Variants in KCNH7 observed in about 807,000 individuals in gnomAD.
KCNH7 encodes potassium voltage-gated channel subfamily H member 7, also known as voltage-gated inwardly rectifying potassium channel KCNH7.
Under a neutral mutation model 120.8 loss-of-function variants are expected in KCNH7, and 49 were observed. The observed-to-expected ratio is 0.41, with a 90% confidence interval of 0.32 to 0.51. KCNH7 has a LOEUF of 0.51. Among genes scored for constraint, KCNH7 ranks in the 20% least tolerant of loss-of-function variants. KCNH7 has a pLI of 0.38. For missense variants in KCNH7, 1,097 were observed against 1,446.6 expected (o/e 0.76, Z 3.92); for synonymous variants, 547 against 516.1 (o/e 1.06, Z -0.81).
At chr2:162,512,538 T>A in intron 5 of KCNH7, 116 bp downstream of exon 5, 1 of 810,194 alleles carries the variant, frequency 1.2e-6, no homozygotes, top group Non-Finnish European at 2.0e-6. Context: ...GCACCCCAAA[T>A]AGCTAAGGGC....
chr2:162,652,989 C>T (rs1418556780), intron 2 of KCNH7, among the ~76,000 whole-genome samples: 4 of 152,104 alleles, frequency 2.6e-5, no homozygotes, highest in East Asian at 3.9e-4. Context: ...TTACTTTATG[C>T]CAAAGGCCTT....
chr2:162,520,633 G>A (rs1405344877), intron 3 of KCNH7, among the ~76,000 whole-genome samples: 1 of 151,716 alleles, frequency 6.6e-6, no homozygotes, highest in Non-Finnish European at 1.5e-5. Context: ...ACTAGGTATG[G>A]TGGCATATGC....
intron 3 of KCNH7, among the ~76,000 whole-genome samples, chr2:162,532,231 G>A (rs1691948339): frequency 1.3e-5 from 2 of 151,940 alleles, no homozygotes. Flanking sequence ...GAGAGTCAAG[G>A]TGAAACTAAA....
chr2:162,665,455 A>AT (rs1339188431), intron 2 of KCNH7, among the ~76,000 whole-genome samples: 1 of 152,128 alleles, frequency 6.6e-6, no homozygotes, highest in Non-Finnish European at 1.5e-5. Context: ...TCACTAACAT[A>AT]TTTTTTATGT....
In KCNH7 at chr2:162,571,724, C is replaced by A. The variant is rs1329304461; in HGVS notation, c.308-34644G>T. On this transcript the variant is annotated intron_variant, in intron 2 of 15. Coordinates refer to ENST00000332142, the MANE Select transcript of KCNH7 (RefSeq NM_033272.4). ...TATAGATCAATGGAACAGAACAGAG[C>A]CCTCAGAAATAACGCCACTTATCTA... 3.1e-3 allele frequency among the ~76,000 whole-genome samples: 409 copies of A among 131,020 alleles called. 13 individuals carry two copies. The highest frequency in any genetic ancestry group is 0.012 in the African/African-American group (380 of 32,128). 86.0% of individuals were successfully genotyped at this position (131,020 alleles called of 152,430 possible).
chr2:162,429,265 C>T (rs1294085967), intron 8 of KCNH7, among the ~76,000 whole-genome samples: 1 of 151,360 alleles, frequency 6.6e-6, no homozygotes, highest in African/African-American at 2.4e-5. Flanking sequence ...CTTTTTGGTA[C>T]TATCATTGTC....
chr2:162,833,660 T>C (rs116474431), intron 2 of KCNH7, among the ~76,000 whole-genome samples: 21 of 152,278 alleles, frequency 1.4e-4, no homozygotes, highest in African/African-American at 5.1e-4. Flanking sequence ...TAATTGTGCC[T>C]AGCACAATCA....
chr2:162,546,437 C>T lies in KCNH7; in HGVS notation c.308-9357G>A, dbSNP rs148615008. ...CCCACCCACTAAACTGCCATTTGTT[C>T]GGTCAAATTGCTTTAACACAACACT... On this transcript the variant is annotated intron_variant, in intron 2 of 15. Coordinates refer to ENST00000332142, the MANE Select transcript of KCNH7 (RefSeq NM_033272.4). 5.3e-3 allele frequency among the ~76,000 whole-genome samples: 805 copies of T among 152,190 alleles called. 5 individuals are homozygous for T. Among genetic ancestry groups the T allele is most frequent in the African/African-American group, 0.016 (676 of 41,546 alleles).
At chr2:162,421,416 GTT>G (rs1687706279) in intron 9 of KCNH7, among the ~76,000 whole-genome samples, 3 of 152,262 alleles carry the variant, frequency 2.0e-5, no homozygotes, top group Non-Finnish European at 4.4e-5. Context: ...TCAAGTCATT[GTT>G]AAAGTTAAGG....
chr2:162,455,859 C>G (rs1257091448), intron 6 of KCNH7, among the ~76,000 whole-genome samples: 1 of 151,930 alleles, frequency 6.6e-6, no homozygotes, highest in East Asian at 1.9e-4. Context: ...AGTGGTCTAT[C>G]TATTTTGTTA....
At chr2:162,496,781 A>G (rs1459773415) in intron 6 of KCNH7, among the ~76,000 whole-genome samples, 1 of 152,224 alleles carries the variant, frequency 6.6e-6, no homozygotes, top group South Asian at 2.1e-4. Context: ...TAAAACCATG[A>G]AATTATTATT....
chr2:162,651,149 T>C (rs1684551462), intron 2 of KCNH7, among the ~76,000 whole-genome samples: 1 of 152,192 alleles, frequency 6.6e-6, no homozygotes, highest in South Asian at 2.1e-4. Context: ...AATTCTGAAA[T>C]ATGGATACTA....
intron 6 of KCNH7, among the ~76,000 whole-genome samples, chr2:162,466,335 C>T (rs1040416353): frequency 6.6e-6 from 1 of 152,190 alleles, no homozygotes; most frequent in African/African-American, 2.4e-5. Flanking sequence ...ACTCACAGTT[C>T]TATACGGCTA....
At chr2:162,482,905 A>C (rs1033940679) in intron 6 of KCNH7, among the ~76,000 whole-genome samples, 11 of 152,188 alleles carry the variant, frequency 7.2e-5, no homozygotes, top group African/African-American at 2.7e-4. Context: ...TGTCAACGGA[A>C]TATAATTATA....
rs138670686 is a variant in KCNH7, at chr2:162,646,513, G to C, written c.308-109433C>G. ...TGATTGTGTTATGTTGCATGGCATAGCTAAGCATAGCTAACCTTAAGATGA... is the reference window on the plus strand; with the variant it reads ...TGATTGTGTTATGTTGCATGGCATACCTAAGCATAGCTAACCTTAAGATGA... On this transcript the variant is annotated intron_variant, in intron 2 of 15. Transcript: ENST00000332142. Among the ~76,000 whole-genome samples the C allele has an allele frequency of 4.6e-5, 7 of 152,254 alleles. No homozygotes were observed. In the East Asian group the frequency reaches 5.8e-4, roughly 13 times the overall value.
intron 2 of KCNH7, among the ~76,000 whole-genome samples, chr2:162,614,692 T>C (rs1683081045): frequency 6.7e-6 from 1 of 148,380 alleles, no homozygotes; most frequent in Non-Finnish European, 1.5e-5. Context: ...TATATTTATA[T>C]ATATTTATAT....
intron 2 of KCNH7, among the ~76,000 whole-genome samples, chr2:162,691,051 G>C (rs149428214): frequency 1.6e-4 from 25 of 152,226 alleles, no homozygotes; most frequent in Non-Finnish European, 3.5e-4. Context: ...GAATGATAGG[G>C]ACTGACTACT....
chr2:162,467,773 G>T (rs1477487661), intron 6 of KCNH7, among the ~76,000 whole-genome samples: 1 of 152,138 alleles, frequency 6.6e-6, no homozygotes, highest in African/African-American at 2.4e-5. Flanking sequence ...CCTAGACTGG[G>T]TTGCTTATAA....
At chr2:162,638,138 T>C (rs1684027026) in intron 2 of KCNH7, among the ~76,000 whole-genome samples, 2 of 152,032 alleles carry the variant, frequency 1.3e-5, no homozygotes, top group South Asian at 4.1e-4. Context: ...GAGGTACTCC[T>C]TGGACATTTC....
Sources: gnomAD v4.1 joint callset for allele counts (sites outside exome capture counted in the v4.1 genomes callset) on GRCh38, gnomAD v4.1.1 for gene constraint, MANE v1.5 for transcripts, NCBI Gene and HGNC (gene_info 2026-07-23, HGNC 2026-07-21) for gene names.